Variants in STRN observed in about 807,000 individuals in gnomAD.
STRN encodes the protein protein phosphatase 2 regulatory subunit B'''alpha.
STRN carries 53 observed loss-of-function variants against 96.3 expected under a neutral mutation model. That is an observed-to-expected ratio of 0.55 (90% CI 0.44 to 0.69). The LOEUF is 0.69. STRN is among the 30% of genes least tolerant of loss of function. The pLI is 0.00. For missense variants in STRN, 987 were observed against 963.9 expected, an observed-to-expected ratio of 1.02 and a Z score of -0.32; for synonymous variants, 428 against 355.9, an observed-to-expected ratio of 1.20 and a Z score of -2.28.
chr2:36,952,271 A>G (rs1664772004), intron 1 of STRN, among the ~76,000 whole-genome samples: 2 of 152,190 alleles, frequency 1.3e-5, no homozygotes, highest in Admixed American at 6.5e-5. Context: ...ATGGTGCTGG[A>G]TAACAATGCT....
intron 1 of STRN, among the ~76,000 whole-genome samples, chr2:36,935,746 G>A (rs186063923): frequency 1.4e-4 from 22 of 152,284 alleles, no homozygotes; most frequent in Non-Finnish European, 2.6e-4. Flanking sequence ...CAATACTGCG[G>A]TTATTCAATG....
chr2:36,959,955 C>A (rs962831900), intron 1 of STRN, among the ~76,000 whole-genome samples: 4 of 152,060 alleles, frequency 2.6e-5, no homozygotes, highest in African/African-American at 7.2e-5. Context: ...TTGAGAAACA[C>A]TGAACTGAAG....
At chr2:36,950,374 C>T (rs1572696923) in intron 1 of STRN, among the ~76,000 whole-genome samples, 1 of 152,056 alleles carries the variant, frequency 6.6e-6, no homozygotes, top group African/African-American at 2.4e-5. Flanking sequence ...CGCCATCACG[C>T]CCAGCTAATG....
intron 4 of STRN, among the ~76,000 whole-genome samples, chr2:36,903,127 C>T (rs1669733588): frequency 6.6e-6 from 1 of 152,142 alleles, no homozygotes; most frequent in Non-Finnish European, 1.5e-5. Flanking sequence ...CATGGATCAA[C>T]TGTTTGTGAT....
chr2:36,883,275 C>CA (rs1669122926), intron 9 of STRN, among the ~76,000 whole-genome samples: 2 of 152,122 alleles, frequency 1.3e-5, no homozygotes, highest in South Asian at 2.1e-4. Flanking sequence ...GCCAACATGG[C>CA]AAAACCCCAT....
intron 1 of STRN, among the ~76,000 whole-genome samples, chr2:36,945,756 A>G (rs1435918836): frequency 6.6e-6 from 1 of 152,200 alleles, no homozygotes; most frequent in Non-Finnish European, 1.5e-5. Context: ...TACAGGACCA[A>G]CTTGATTTCA....
intron 10 of STRN, among the ~76,000 whole-genome samples, chr2:36,874,395 G>A (rs1558631944): frequency 6.6e-6 from 1 of 152,004 alleles, no homozygotes. Flanking sequence ...AGGAGACAGA[G>A]GTCACAGGAA....
chr2:36,940,902 C>T (rs1405110350), intron 1 of STRN, among the ~76,000 whole-genome samples: 2 of 151,524 alleles, frequency 1.3e-5, no homozygotes, highest in Non-Finnish European at 1.5e-5. Flanking sequence ...CCTGTAATCC[C>T]AGCACTTTGG....
chr2:36,962,827 GA>G (rs1421504350), intron 1 of STRN, among the ~76,000 whole-genome samples: 1 of 152,104 alleles, frequency 6.6e-6, no homozygotes. Flanking sequence ...CTATTCTAAA[GA>G]AATTAGCCTT....
At chr2:36,913,405 C>A (rs926009957) in intron 3 of STRN, among the ~76,000 whole-genome samples, 1 of 152,162 alleles carries the variant, frequency 6.6e-6, no homozygotes, top group Non-Finnish European at 1.5e-5. Flanking sequence ...GCTGCTAATA[C>A]TCTGCCTTTC....
intron 3 of STRN, among the ~76,000 whole-genome samples, chr2:36,913,084 A>G (rs1271948673): frequency 6.6e-6 from 1 of 152,096 alleles, no homozygotes; most frequent in Non-Finnish European, 1.5e-5. Flanking sequence ...AACCTTACTC[A>G]TTTGCCCAGG....
chr2:36,943,112 CA>C (rs1360963050), intron 1 of STRN, among the ~76,000 whole-genome samples: 11 of 152,048 alleles, frequency 7.2e-5, no homozygotes, highest in Admixed American at 7.2e-4. Flanking sequence ...CCCAAATGCT[CA>C]AAAAGAGAGT....
At chr2:36,854,145 T>C in intron 15 of STRN, among the ~76,000 whole-genome samples, 1 of 152,324 alleles carries the variant, frequency 6.6e-6, no homozygotes, top group Middle Eastern at 3.4e-3. Flanking sequence ...AAATTGGCCA[T>C]ATAATCTCTG....
intron 1 of STRN, among the ~76,000 whole-genome samples, chr2:36,960,919 C>T (rs1371125678): frequency 1.3e-5 from 2 of 151,934 alleles, no homozygotes. Flanking sequence ...TGTTCTGAGA[C>T]AGGGCCTCAC....
chr2:36,939,861 G>A (rs914767948), intron 1 of STRN, among the ~76,000 whole-genome samples: 4 of 152,146 alleles, frequency 2.6e-5, no homozygotes, highest in Admixed American at 6.6e-5. Context: ...CATATACTAG[G>A]GAAAGACCAC....
At chr2:36,960,825 C>T (rs920145571) in intron 1 of STRN, among the ~76,000 whole-genome samples, 2 of 152,154 alleles carry the variant, frequency 1.3e-5, no homozygotes, top group Non-Finnish European at 1.5e-5. Context: ...TTAAAAAGCT[C>T]AGTAAATCTT....
chr2:36,952,593 A>G (rs1462612799), intron 1 of STRN, among the ~76,000 whole-genome samples: 1 of 152,226 alleles, frequency 6.6e-6, no homozygotes, highest in Non-Finnish European at 1.5e-5. Flanking sequence ...TATCTACCAC[A>G]TACAGTTTTA....
rs1181215814 is a variant in STRN at position 36,840,918 on chromosome 2, G to A, written c.*8538C>T. On this transcript the variant is annotated 3_prime_UTR_variant, in exon 18 of 18. Transcript: ENST00000263918. ...CATCACATATTCCTTATTAATCTTTGTATTCCAAAAATAATTTCTGAAAAT... is the reference window on the plus strand; with the variant it reads ...CATCACATATTCCTTATTAATCTTTATATTCCAAAAATAATTTCTGAAAAT... The A allele has an allele frequency of 6.6e-6, 1 of 151,988 alleles. No homozygotes were observed. Among genetic ancestry groups the A allele is most frequent in the East Asian group, 1.9e-4 (1 of 5,188 alleles). The allele number at this position is 151,988 out of a possible 1,614,324, so 9.4% of individuals were successfully genotyped here. A position where few individuals can be genotyped will look rare whatever the true frequency, so the allele number is the denominator to read the frequency against.
chr2:36,932,482 G>A (rs1410953509), intron 1 of STRN, among the ~76,000 whole-genome samples: 1 of 152,072 alleles, frequency 6.6e-6, no homozygotes, highest in East Asian at 1.9e-4. Context: ...AAACTAGTCA[G>A]TCTCCTGAAA....
Sources: gnomAD v4.1 joint callset for allele counts (sites outside exome capture counted in the v4.1 genomes callset) on GRCh38, gnomAD v4.1.1 for gene constraint, MANE v1.5 for transcripts, NCBI Gene and HGNC (gene_info 2026-07-23, HGNC 2026-07-21) for gene names.